The following RIN2 variants were observed in gnomAD, a reference collection of about 807,000 sequenced individuals.
The protein encoded by RIN2 is RAB5 interacting protein 2.
In RIN2, 36 loss-of-function variants were observed where a neutral mutation model predicts 78.0. That is an observed-to-expected ratio of 0.46 (90% CI 0.35 to 0.61). The LOEUF (loss-of-function observed/expected upper bound fraction) is 0.61. Ranked by LOEUF, RIN2 falls within the 20% of genes least tolerant of loss-of-function variation. The probability of loss-of-function intolerance (pLI) is 0.00; values close to 1 mark genes in which losing one functional copy is unlikely to be tolerated. For synonymous variants in RIN2, 466 were observed against 466.8 expected, an observed-to-expected ratio of 1.00 and a Z score of 0.02; for missense variants, 1,087 against 1,159.7, an observed-to-expected ratio of 0.94 and a Z score of 0.91.
chr20:19,929,397 T>G lies in RIN2; in HGVS notation c.58-5702T>G, dbSNP rs532476360. 5.9e-5 allele frequency among the ~76,000 whole-genome samples: 9 copies of G among 152,334 alleles called. No homozygotes were observed. In the South Asian group the frequency reaches 1.7e-3, roughly 28 times the overall value. ...TCTGGTTTGAGACAGAGTCTCGCTC[T>G]GTCACCCAGGCTGGAGTGCAGTGGC... On this transcript the variant is annotated intron_variant, in intron 3 of 12. Coordinates refer to ENST00000255006, the MANE Select transcript of RIN2 (RefSeq NM_018993.4).
chr20:19,841,222 C>A (rs557867926), intron 2 of RIN2, among the ~76,000 whole-genome samples: 11 of 151,818 alleles, frequency 7.2e-5, no homozygotes, highest in Non-Finnish European at 1.6e-4. Context: ...ACAGTAAAAT[C>A]CTTTTGAAAA....
intron 4 of RIN2, among the ~76,000 whole-genome samples, chr20:19,937,374 G>A (rs1026872918): frequency 2.0e-5 from 3 of 152,202 alleles, no homozygotes; most frequent in Admixed American, 6.5e-5. Flanking sequence ...GGCTCTGCAC[G>A]TCTGACGGCT....
chr20:19,823,774 C>T, intron 2 of RIN2: 1 of 1,597,842 alleles, frequency 6.3e-7, no homozygotes, highest in Non-Finnish European at 8.5e-7. Context: ...CACTGTAATC[C>T]TCAGGCCCTT....
At chr20:19,849,163 G>A (rs1305784476) in intron 2 of RIN2, among the ~76,000 whole-genome samples, 2 of 151,620 alleles carry the variant, frequency 1.3e-5, no homozygotes, top group African/African-American at 2.4e-5. Flanking sequence ...ACCAGATTTT[G>A]CAAATTAAAA....
intron 3 of RIN2, among the ~76,000 whole-genome samples, chr20:19,896,728 C>A (rs1189249030): frequency 1.3e-5 from 2 of 152,182 alleles, no homozygotes; most frequent in Non-Finnish European, 2.9e-5. Flanking sequence ...TAAATAAATT[C>A]TTCATAGACA....
chr20:19,885,560 G>T (rs2038154709), intron 2 of RIN2, among the ~76,000 whole-genome samples: 1 of 44,786 alleles, frequency 2.2e-5, no homozygotes, highest in African/African-American at 7.9e-5. Flanking sequence ...CTGGCTACTT[G>T]CAGGCTGAGG....
At chr20:19,865,123 T>C (rs1048569050) in intron 2 of RIN2, among the ~76,000 whole-genome samples, 1 of 152,194 alleles carries the variant, frequency 6.6e-6, no homozygotes, top group African/African-American at 2.4e-5. Context: ...CCAATTTCCA[T>C]GGTGTAAATA....
At chr20:19,952,891 A>G (rs2041377459) in intron 4 of RIN2, among the ~76,000 whole-genome samples, 1 of 152,194 alleles carries the variant, frequency 6.6e-6, no homozygotes, top group African/African-American at 2.4e-5. Context: ...CTGAGTTAAT[A>G]TGCATGTTTT....
intron 1 of RIN2, among the ~76,000 whole-genome samples, chr20:19,779,893 G>A (rs1046346268): frequency 2.6e-5 from 4 of 152,162 alleles, no homozygotes; most frequent in African/African-American, 9.7e-5. Context: ...CCTAAGCATA[G>A]CAAAATCAGC....
rs2035180285 is a variant in RIN2, at chr20:19,799,695, G to T, written c.-89G>T. On this transcript the variant is annotated 5_prime_UTR_variant, in exon 2 of 13. Transcript: ENST00000255006. ...ATGTGCAAGCCCTTCAGAACGCTGG[G>T]GAGGTTGGGCTGAACTGCAGTGGGA... is the stretch of plus-strand genomic sequence containing the variant. 6.6e-6 allele frequency: 1 copy of T among 152,234 alleles called. No individual in the cohort carries two copies. Among genetic ancestry groups the T allele is most frequent in the African/African-American group, 2.4e-5 (1 of 41,436 alleles). 9.4% of individuals were successfully genotyped at this position (152,234 alleles called of 1,614,324 possible). A position where few individuals can be genotyped will look rare whatever the true frequency, so the allele number is the denominator to read the frequency against.
chr20:19,900,254 C>G (rs545535439), intron 3 of RIN2, among the ~76,000 whole-genome samples: 1 of 150,716 alleles, frequency 6.6e-6, no homozygotes, highest in South Asian at 2.1e-4. Context: ...GAGGCTGAGG[C>G]TGGCAGATCA....
At chr20:19,857,448 A>G (rs1393479899) in intron 2 of RIN2, among the ~76,000 whole-genome samples, 2 of 152,184 alleles carry the variant, frequency 1.3e-5, no homozygotes, top group Non-Finnish European at 2.9e-5. Flanking sequence ...ACATTTCTGT[A>G]CGTGTATCTT....
At chr20:19,862,023 C>T (rs545231025) in intron 2 of RIN2, among the ~76,000 whole-genome samples, 1 of 151,506 alleles carries the variant, frequency 6.6e-6, no homozygotes, top group African/African-American at 2.4e-5. Flanking sequence ...CTGATGATCA[C>T]CCTCCATATC....
intron 12 of RIN2, 55 bp from the exon 13 acceptor site, chr20:20,000,558 G>A: frequency 7.2e-7 from 1 of 1,397,130 alleles, no homozygotes; most frequent in Non-Finnish European, 9.9e-7. Flanking sequence ...CCCCCATCAT[G>A]CTCACTATCT....
At chr20:19,797,378 T>A (rs2035090516) in intron 1 of RIN2, among the ~76,000 whole-genome samples, 2 of 152,242 alleles carry the variant, frequency 1.3e-5, no homozygotes, top group African/African-American at 2.4e-5. Flanking sequence ...ATTTACATTC[T>A]TGTTCTTATA....
chr20:19,952,895 A>G (rs1006744087), intron 4 of RIN2, among the ~76,000 whole-genome samples: 2 of 152,172 alleles, frequency 1.3e-5, no homozygotes, highest in Non-Finnish European at 2.9e-5. Flanking sequence ...GTTAATATGC[A>G]TGTTTTACAC....
intron 4 of RIN2, among the ~76,000 whole-genome samples, chr20:19,948,112 C>T (rs1321069620): frequency 1.3e-5 from 2 of 152,142 alleles, no homozygotes; most frequent in African/African-American, 2.4e-5. Context: ...TGATAAAACA[C>T]AAGGGTAGAC....
chr20:19,968,319 A>G (rs555273056), intron 7 of RIN2, among the ~76,000 whole-genome samples: 1 of 152,264 alleles, frequency 6.6e-6, no homozygotes, highest in Admixed American at 6.5e-5. Context: ...ATAAATCTAG[A>G]CTGTACATGT....
At chr20:19,892,608 C>T (rs2038529577) in intron 3 of RIN2, among the ~76,000 whole-genome samples, 1 of 152,042 alleles carries the variant, frequency 6.6e-6, no homozygotes, top group South Asian at 2.1e-4. Context: ...AGCTCCCAGG[C>T]TCAAGCAATC....
Sources: allele counts gnomAD v4.1 joint callset (sites outside exome capture counted in the v4.1 genomes callset), GRCh38; gene constraint gnomAD v4.1.1; transcripts MANE v1.5; gene names NCBI Gene and HGNC (gene_info 2026-07-23, HGNC 2026-07-21).